Variants in CADPS2 observed in about 807,000 individuals in gnomAD.
CADPS2 encodes the protein calcium-dependent secretion activator 2.
CADPS2 carries 93 observed loss-of-function variants against 172.5 expected under a neutral mutation model. The ratio of observed to expected loss-of-function variants is 0.54; its 90% CI spans 0.46 to 0.64. The LOEUF is 0.64. Ranked by LOEUF, CADPS2 falls within the 30% of genes least tolerant of loss-of-function variation. The probability of loss-of-function intolerance (pLI) is 0.00; values close to 1 mark genes in which losing one functional copy is unlikely to be tolerated. For synonymous variants in CADPS2, 546 were observed against 555.2 expected, an observed-to-expected ratio of 0.98 and a Z score of 0.23; for missense variants, 1,420 against 1,565.9, an observed-to-expected ratio of 0.91 and a Z score of 1.57.
rs150504387 is a variant in CADPS2, at chr7:122,581,128, A to G, written c.1335+51T>C. 3.4e-5 allele frequency: 45 copies of G among 1,319,872 alleles called. No individual in the cohort carries two copies. The East Asian group carries it at 1.0e-3, about 31-fold the overall frequency. 81.8% of individuals were successfully genotyped at this position (1,319,872 alleles called of 1,614,324 possible). A position where few individuals can be genotyped will look rare whatever the true frequency, so the allele number is the denominator to read the frequency against. ...ACTGATCTACCTTAATCATGAATCC[A>G]AAGAAGTTAAAACTGTTCTACCCTG... On this transcript the variant is annotated intron_variant, in intron 7 of 29. Coordinates refer to ENST00000449022, the MANE Select transcript of CADPS2 (RefSeq NM_017954.11).
At chr7:122,328,661 T>C (rs1295711251) in intron 28 of CADPS2, 2 of 152,232 alleles carry the variant, frequency 1.3e-5, no homozygotes, top group Admixed American at 1.3e-4. Context: ...TTGTGGTTCA[T>C]TCAACTCCTG....
chr7:122,525,104 G>T (rs2061108711), intron 8 of CADPS2, among the ~76,000 whole-genome samples: 1 of 151,526 alleles, frequency 6.6e-6, no homozygotes, highest in South Asian at 2.1e-4. Flanking sequence ...AGTGCCACTG[G>T]ACCACAGCAT....
At chr7:122,854,855 A>G (rs914296625) in intron 1 of CADPS2, among the ~76,000 whole-genome samples, 3 of 152,242 alleles carry the variant, frequency 2.0e-5, no homozygotes, top group Non-Finnish European at 2.9e-5. Flanking sequence ...ATTAGATACT[A>G]CTTAGTTTAA....
chr7:122,763,043 T>C (rs552900160), intron 1 of CADPS2, among the ~76,000 whole-genome samples: 5 of 152,234 alleles, frequency 3.3e-5, no homozygotes, highest in African/African-American at 1.2e-4. Flanking sequence ...CACACAGATA[T>C]GTTTCTTGGA....
chr7:122,337,834 T>TA (rs148252315), intron 28 of CADPS2, among the ~76,000 whole-genome samples: 22,830 of 150,338 alleles, frequency 0.15, 1,753 homozygotes, highest in African/African-American at 0.16. Context: ...AGAAACAGGC[T>TA]TGACTATGAC....
At position 122,378,109 on chromosome 7, in the gene CADPS2, C is replaced by T. The variant is rs141802098; in HGVS notation, c.3387+1259G>A. ...CTTAATACTATATTACGAAACTCTT[C>T]ATTTATCATTAATAGTCTTTGAAAG... is the stretch of plus-strand genomic sequence containing the variant. On this transcript the variant is annotated intron_variant, in intron 25 of 29. Coordinates refer to ENST00000449022, the MANE Select transcript of CADPS2 (RefSeq NM_017954.11). Among the ~76,000 whole-genome samples the T allele has an allele frequency of 4.6e-5, 7 of 152,230 alleles. No homozygotes were observed. In the East Asian group the frequency reaches 1.4e-3, roughly 29 times the overall value.
intron 25 of CADPS2, among the ~76,000 whole-genome samples, chr7:122,378,524 TTTC>T (rs2042616411): frequency 6.6e-6 from 1 of 152,176 alleles, no homozygotes; most frequent in Non-Finnish European, 1.5e-5. Context: ...AGCTCTATTT[TTTC>T]TTTTCTAAAC....
At chr7:122,388,840 A>C (rs2044013362) in intron 22 of CADPS2, 102 bp from the exon 23 acceptor site, 1 of 1,040,060 alleles carries the variant, frequency 9.6e-7, no homozygotes, top group African/African-American at 1.6e-5. Flanking sequence ...ATCAGTGAAA[A>C]AAATACCATA....
At position 122,584,110 on chromosome 7, in the gene CADPS2, T is replaced by C. The variant is rs569888298; in HGVS notation, c.1224-2820A>G. 3.3e-5 allele frequency among the ~76,000 whole-genome samples: 5 copies of C among 151,954 alleles called. No homozygotes were observed. In the South Asian group the frequency reaches 8.3e-4, roughly 25 times the overall value. ...AGCCTGTATATTTACTTTTTTGTAT[T>C]CTCCATGTTTGGTTTTATTGCATAA... On this transcript the variant is annotated intron_variant, in intron 6 of 29. Coordinates refer to ENST00000449022, the MANE Select transcript of CADPS2 (RefSeq NM_017954.11).
chr7:122,324,349 G>T (rs1213688556), intron 29 of CADPS2, among the ~76,000 whole-genome samples: 2 of 152,082 alleles, frequency 1.3e-5, no homozygotes, highest in Admixed American at 1.3e-4. Flanking sequence ...GGAACCAAAG[G>T]AATAAAGAAA....
intron 2 of CADPS2, among the ~76,000 whole-genome samples, chr7:122,685,804 T>C (rs1269000071): frequency 6.6e-6 from 1 of 152,346 alleles, no homozygotes; most frequent in South Asian, 2.1e-4. Flanking sequence ...TCAATGAACC[T>C]GCCATATGGG....
chr7:122,458,549 A>C (rs907249349), intron 14 of CADPS2, among the ~76,000 whole-genome samples: 1 of 152,162 alleles, frequency 6.6e-6, no homozygotes, highest in African/African-American at 2.4e-5. Context: ...GAAATTCTGA[A>C]ATATGTTCTT....
At chr7:122,384,015 A>G (rs2151401783) in intron 24 of CADPS2, among the ~76,000 whole-genome samples, 1 of 152,184 alleles carries the variant, frequency 6.6e-6, no homozygotes, top group African/African-American at 2.4e-5. Context: ...CCAGGTAGTC[A>G]TCTGCTTTTG....
chr7:122,659,663 C>A (rs960803099), intron 3 of CADPS2, among the ~76,000 whole-genome samples: 2 of 151,786 alleles, frequency 1.3e-5, no homozygotes, highest in African/African-American at 2.4e-5. Flanking sequence ...AAACACCAAG[C>A]AAAAGAAATA....
At chr7:122,625,693 C>G (rs67310961) in intron 4 of CADPS2, among the ~76,000 whole-genome samples, 7,528 of 152,080 alleles carry the variant, frequency 0.05, 271 homozygotes, top group South Asian at 0.16. Flanking sequence ...GCCTACTTGT[C>G]CTATGGATTC....
At chr7:122,861,828 CATATTTAAAA>C (rs1317712362) in intron 1 of CADPS2, among the ~76,000 whole-genome samples, 1 of 152,132 alleles carries the variant, frequency 6.6e-6, no homozygotes, top group Non-Finnish European at 1.5e-5. Flanking sequence ...CAAAATAAAA[CATATTTAAAA>C]ATAAACAAAA....
At chr7:122,815,671 T>TA (rs1801156929) in intron 1 of CADPS2, among the ~76,000 whole-genome samples, 1 of 152,132 alleles carries the variant, frequency 6.6e-6, no homozygotes, top group African/African-American at 2.4e-5. Context: ...ACAAAGCTGA[T>TA]AGAGCATAAA....
intron 1 of CADPS2, among the ~76,000 whole-genome samples, chr7:122,864,179 G>T (rs945409462): frequency 5.9e-5 from 9 of 152,130 alleles, no homozygotes; most frequent in Admixed American, 1.3e-4. Flanking sequence ...AATGGTTTCA[G>T]ACTCTCTTAT....
intron 1 of CADPS2, among the ~76,000 whole-genome samples, chr7:122,838,486 T>C (rs1457467922): frequency 6.6e-6 from 1 of 152,174 alleles, no homozygotes; most frequent in East Asian, 1.9e-4. Context: ...GGAAGTCAAA[T>C]TGTCCCTGTT....
Sources: allele counts gnomAD v4.1 joint callset (sites outside exome capture counted in the v4.1 genomes callset), GRCh38; gene constraint gnomAD v4.1.1; transcripts MANE v1.5; gene names NCBI Gene and HGNC (gene_info 2026-07-23, HGNC 2026-07-21).